Variants in PDZRN3 observed in about 807,000 individuals in gnomAD.
PDZRN3 encodes the protein PDZ domain containing ring finger 3.
In PDZRN3, 38 loss-of-function variants were observed where a neutral mutation model predicts 85.7. That is an observed-to-expected ratio of 0.44 (90% confidence interval 0.34 to 0.58). The LOEUF (loss-of-function observed/expected upper bound fraction) is 0.58, where lower values mean the gene tolerates loss of function less well. PDZRN3 is among the 20% of genes least tolerant of loss of function. The pLI, the probability that PDZRN3 is intolerant of heterozygous loss-of-function variation, is 0.01. For missense variants in PDZRN3, 1,629 were observed against 1,506.4 expected (o/e 1.08, Z -1.35); for synonymous variants, 759 against 638.0 (o/e 1.19, Z -2.86).
At chr3:73,458,897 C>T (rs1703042670) in intron 3 of PDZRN3, among the ~76,000 whole-genome samples, 1 of 149,728 alleles carries the variant, frequency 6.7e-6, no homozygotes, top group African/African-American at 2.5e-5. Context: ...GAGGCTGAGA[C>T]AGGAGAATCG....
chr3:73,527,470 G>A (rs564930572), intron 3 of PDZRN3, among the ~76,000 whole-genome samples: 7 of 152,208 alleles, frequency 4.6e-5, no homozygotes, highest in South Asian at 4.2e-4. Flanking sequence ...TAGGTTAGGC[G>A]ATTCTTTCTA....
At chr3:73,592,914 T>C (rs753632941) in intron 3 of PDZRN3, among the ~76,000 whole-genome samples, 1 of 152,186 alleles carries the variant, frequency 6.6e-6, no homozygotes, top group East Asian at 1.9e-4. Context: ...GTGCTTAGTT[T>C]AGCTCCACAA....
chr3:73,533,935 C>T (rs1467875840), intron 3 of PDZRN3, among the ~76,000 whole-genome samples: 2 of 152,016 alleles, frequency 1.3e-5, no homozygotes, highest in Non-Finnish European at 2.9e-5. Flanking sequence ...TCCCTACCCC[C>T]ACTCTCCTTT....
At chr3:73,610,473 C>T (rs553261052) in intron 1 of PDZRN3, among the ~76,000 whole-genome samples, 1 of 152,262 alleles carries the variant, frequency 6.6e-6, no homozygotes, top group South Asian at 2.1e-4. Context: ...AAAGAAAATC[C>T]AGAATCAACC....
intron 3 of PDZRN3, among the ~76,000 whole-genome samples, chr3:73,563,994 A>G (rs1701892484): frequency 6.6e-6 from 1 of 152,086 alleles, no homozygotes; most frequent in South Asian, 2.1e-4. Context: ...CCTTGAACAC[A>G]CATGTTCTCC....
chr3:73,494,897 T>C lies in PDZRN3; in HGVS notation c.919-90502A>G, dbSNP rs533939164. ...ACACCCAATCGAGAAAACATGTAACTTGAAGAGATAGTGTTACAAGGGAAC... is the reference window on the plus strand; with the variant it reads ...ACACCCAATCGAGAAAACATGTAACCTGAAGAGATAGTGTTACAAGGGAAC... On this transcript the variant is annotated intron_variant, in intron 3 of 9. Coordinates refer to ENST00000263666, the MANE Select transcript of PDZRN3 (RefSeq NM_015009.3). 2.2e-4 allele frequency among the ~76,000 whole-genome samples: 33 copies of C among 152,344 alleles called. 1 individual carries two copies. The South Asian group carries it at 6.4e-3, about 30-fold the overall frequency.
At position 73,530,640 on chromosome 3, in the gene PDZRN3, C is replaced by A. The variant is rs568401234; in HGVS notation, c.918+71714G>T. ...AAATTGTGATGAGAACAATGCAGAT[C>A]AAATGTTTTTTGTTTATTTTTTAAA... On this transcript the variant is annotated intron_variant, in intron 3 of 9. Transcript: ENST00000263666. 5.7e-4 allele frequency among the ~76,000 whole-genome samples: 73 copies of A among 128,332 alleles called. No homozygotes were observed. The South Asian group carries it at 0.016, about 28-fold the overall frequency. The allele number at this position is 128,332 out of a possible 152,430, so 84.2% of individuals were successfully genotyped here.
intron 3 of PDZRN3, among the ~76,000 whole-genome samples, chr3:73,586,252 A>G (rs1217583121): frequency 6.6e-6 from 1 of 152,156 alleles, no homozygotes; most frequent in Non-Finnish European, 1.5e-5. Context: ...AGAGATATCT[A>G]TTTTAACCCG....
At chr3:73,556,053 C>T (rs1701688449) in intron 3 of PDZRN3, among the ~76,000 whole-genome samples, 1 of 152,086 alleles carries the variant, frequency 6.6e-6, no homozygotes, top group South Asian at 2.1e-4. Context: ...ATTTTCTTTC[C>T]TCAATTCACC....
chr3:73,549,999 C>A (rs184687315), intron 3 of PDZRN3, among the ~76,000 whole-genome samples: 1 of 152,176 alleles, frequency 6.6e-6, no homozygotes, highest in Non-Finnish European at 1.5e-5. Context: ...CAGATGCTGC[C>A]TTAGCAAACA....
chr3:73,490,331 T>C (rs1703746930), intron 3 of PDZRN3, among the ~76,000 whole-genome samples: 1 of 152,212 alleles, frequency 6.6e-6, no homozygotes, highest in South Asian at 2.1e-4. Context: ...CCCAAGACCA[T>C]GTACGCCCAC....
chr3:73,433,621 T>A, intron 3 of PDZRN3: 1 of 1,504,382 alleles, frequency 6.6e-7, no homozygotes, highest in Non-Finnish European at 8.9e-7. Context: ...TTCTATGGAA[T>A]AAAATGCAGG....
chr3:73,402,490 C>T (rs1211790238), intron 4 of PDZRN3: 8 of 152,238 alleles, frequency 5.3e-5, no homozygotes, highest in Admixed American at 4.6e-4. Flanking sequence ...TGCAGTTCCT[C>T]ATCTGTATAA....
intron 3 of PDZRN3, among the ~76,000 whole-genome samples, chr3:73,582,320 G>A (rs1702214451): frequency 6.6e-6 from 1 of 151,928 alleles, no homozygotes; most frequent in Non-Finnish European, 1.5e-5. Flanking sequence ...TTTTAATCTG[G>A]GGGATGGTGC....
Position 73,408,590 on chromosome 3 carries a change from G to C in PDZRN3, c.919-4195C>G, listed in dbSNP as rs369956186. ...CCTCGAGTTGGGATTCTTGGAGGAGGGGGGGGGGTGCAACAGAAAAATTTT... is the reference window on the plus strand; with the variant it reads ...CCTCGAGTTGGGATTCTTGGAGGAGCGGGGGGGGTGCAACAGAAAAATTTT... On this transcript the variant is annotated intron_variant, in intron 3 of 9. Coordinates refer to ENST00000263666, the MANE Select transcript of PDZRN3 (RefSeq NM_015009.3). Among the ~76,000 whole-genome samples, 50 of 150,120 alleles carry C rather than the reference G, an allele frequency of 3.3e-4. 1 individual carries two copies. The highest frequency in any genetic ancestry group is 3.3e-4 in the Admixed American group (5 of 15,098).
At chr3:73,448,427 CT>C (rs781575496) in intron 3 of PDZRN3, among the ~76,000 whole-genome samples, 7 of 152,142 alleles carry the variant, frequency 4.6e-5, no homozygotes, top group African/African-American at 7.2e-5. Context: ...ATGCTGAACC[CT>C]AGTTCCATCC....
intron 3 of PDZRN3, among the ~76,000 whole-genome samples, chr3:73,540,106 A>C (rs1394672534): frequency 1.3e-5 from 2 of 151,414 alleles, no homozygotes; most frequent in African/African-American, 4.8e-5. Flanking sequence ...AAAAAAAAAA[A>C]AAAAACAGTT....
Position 73,442,909 on chromosome 3 carries a change from T to C in PDZRN3, c.919-38514A>G, listed in dbSNP as rs890395277. Among the ~76,000 whole-genome samples, 7 of 152,062 alleles carry C rather than the reference T, an allele frequency of 4.6e-5. No homozygotes were observed. In the East Asian group the frequency reaches 5.8e-4, roughly 13 times the overall value. Reference sequence around the variant, plus strand: ...GCCTAGGTCCCTGTGGTGTTGTTTATAAAGGACAATATAAAACAGAAGAGC... The same window carrying C: ...GCCTAGGTCCCTGTGGTGTTGTTTACAAAGGACAATATAAAACAGAAGAGC... On this transcript the variant is annotated intron_variant, in intron 3 of 9. Transcript: ENST00000263666.
At chr3:73,542,269 C>A (rs1471946560) in intron 3 of PDZRN3, among the ~76,000 whole-genome samples, 1 of 152,128 alleles carries the variant, frequency 6.6e-6, no homozygotes, top group South Asian at 2.1e-4. Context: ...CAGAAAGCAA[C>A]AGGTAACCAG....
Sources: gnomAD v4.1 joint callset for allele counts (sites outside exome capture counted in the v4.1 genomes callset) on GRCh38, gnomAD v4.1.1 for gene constraint, MANE v1.5 for transcripts, NCBI Gene and HGNC (gene_info 2026-07-23, HGNC 2026-07-21) for gene names.